The following CSF2RB variants were observed in gnomAD, a reference collection of about 807,000 sequenced individuals.
CSF2RB encodes the protein colony stimulating factor 2 receptor subunit beta.
A neutral mutation model predicts 67.2 loss-of-function variants in CSF2RB; 22 were observed. That is an observed-to-expected ratio of 0.33 (90% CI 0.23 to 0.47). The LOEUF (loss-of-function observed/expected upper bound fraction) is 0.47. Among genes scored for constraint, CSF2RB ranks in the 20% least tolerant of loss-of-function variants. The pLI is 1.00. For missense variants in CSF2RB, 1,113 were observed against 1,174.5 expected, an observed-to-expected ratio of 0.95 and a Z score of 0.76; for synonymous variants, 507 against 482.9, an observed-to-expected ratio of 1.05 and a Z score of -0.65.
Position 36,937,240 on chromosome 22 carries a change from G to T in CSF2RB, c.1569-137G>T. 9.0e-7 allele frequency: 1 copy of T among 1,112,418 alleles called. No homozygotes were observed. The highest frequency in any genetic ancestry group is 1.3e-6 in the Non-Finnish European group (1 of 762,966). 68.9% of individuals were successfully genotyped at this position (1,112,418 alleles called of 1,614,324 possible). ...GCCCCTGCTCCCTCAACCCTGTCCC[G>T]TTCAGGTTCTCTCTGTGAGATCTGG... On this transcript the variant is annotated intron_variant, in intron 13 of 13. Coordinates refer to ENST00000403662, the MANE Select transcript of CSF2RB (RefSeq NM_000395.3). The surrounding 1 kb of genome is among the most constrained non-coding windows in gnomAD (Gnocchi z 4.6).
intron 3 of CSF2RB, among the ~76,000 whole-genome samples, chr22:36,925,435 C>A (rs1375337353): frequency 6.6e-6 from 1 of 152,220 alleles, no homozygotes; most frequent in African/African-American, 2.4e-5. Context: ...ATCTACAACA[C>A]CTCTGCTCAT....
Position 36,937,291 on chromosome 22 carries a change from A to T in CSF2RB, c.1569-86A>T. On this transcript the variant is annotated intron_variant, in intron 13 of 13. Coordinates refer to ENST00000403662, the MANE Select transcript of CSF2RB (RefSeq NM_000395.3). The surrounding 1 kb of genome is among the most constrained non-coding windows in gnomAD (Gnocchi z 4.6). ...GGGACATCAGGGCTTCCAGAGAACC[A>T]TCTCCACCCCACCAAGACCCTTGTG... The T allele has an allele frequency of 6.5e-7, 1 of 1,528,612 alleles. No individual in the cohort carries two copies. The highest frequency in any genetic ancestry group is 2.1e-4 in the Middle Eastern group (1 of 4,740). The allele number at this position is 1,528,612 out of a possible 1,614,324, so 94.7% of individuals were successfully genotyped here.
chr22:36,933,286 T>G (rs995935424), intron 9 of CSF2RB, among the ~76,000 whole-genome samples: 6 of 152,184 alleles, frequency 3.9e-5, no homozygotes, highest in Non-Finnish European at 8.8e-5. Flanking sequence ...CAGAGCTGCT[T>G]CTAATGAGTC....
intron 7 of CSF2RB, 36 bp from the exon 8 acceptor site, chr22:36,930,637 C>A: frequency 1.2e-6 from 2 of 1,611,752 alleles, no homozygotes; most frequent in Non-Finnish European, 1.7e-6. Flanking sequence ...CGTGTGCCCT[C>A]CCTCTCCCTG....
At chr22:36,922,409 T>C in intron 2 of CSF2RB, 126 bp downstream of exon 2, 1 of 850,736 alleles carries the variant, frequency 1.2e-6, no homozygotes, top group Non-Finnish European at 1.9e-6. Flanking sequence ...CCTCTGTCTC[T>C]CCCCCTGGCC....
intron 11 of CSF2RB, 80 bp downstream of exon 11, chr22:36,935,521 C>G (rs1187056782): frequency 1.2e-6 from 2 of 1,602,640 alleles, no homozygotes; most frequent in African/African-American, 2.7e-5. Context: ...TCCCTCCAGG[C>G]CCTGCTCTGC....
intron 3 of CSF2RB, chr22:36,923,909 C>T: frequency 5.0e-6 from 3 of 605,528 alleles, no homozygotes; most frequent in Non-Finnish European, 7.7e-6. Flanking sequence ...CCCAGGCCCC[C>T]CCTCCGTATG....
At chr22:36,934,075 G>C (rs1392484945) in intron 10 of CSF2RB, 81 bp downstream of exon 10, 1 of 1,547,856 alleles carries the variant, frequency 6.5e-7, no homozygotes, top group Non-Finnish European at 8.8e-7. Flanking sequence ...CAATGCAGCA[G>C]CCGTAGCAGG....
chr22:36,935,747 T>C, intron 12 of CSF2RB, 60 bp downstream of exon 12: 3 of 1,542,826 alleles, frequency 1.9e-6, no homozygotes, highest in Non-Finnish European at 2.7e-6. Context: ...CTCTTGTCTC[T>C]GTCCCCACCT....
chr22:36,930,537 C>A (rs1385666561), intron 7 of CSF2RB, 27 bp downstream of exon 7: 8 of 1,612,524 alleles, frequency 5.0e-6, no homozygotes, highest in South Asian at 4.4e-5. Flanking sequence ...TCCATCCCCT[C>A]CCCTCCTCTT....
At chr22:36,921,981 C>A in intron 1 of CSF2RB, 55 bp from the exon 2 acceptor site, 1 of 597,194 alleles carries the variant, frequency 1.7e-6, no homozygotes, top group Admixed American at 2.8e-5. Flanking sequence ...CGGGCGGTGT[C>A]CCTGGGACAC....
rs74711068 is a variant in CSF2RB at position 36,925,382 on chromosome 22, G to T, written c.201-605G>T. Among the ~76,000 whole-genome samples the T allele has an allele frequency of 3.3e-3, 508 of 152,176 alleles. 1 individual carries two copies. Among genetic ancestry groups the T allele is most frequent in the African/African-American group, 0.012 (492 of 41,494 alleles). ...GCCACATTCCCACCTCAGTCTATTC[G>T]CAACCGAGGACCCTCAGGAATCCTT... On this transcript the variant is annotated intron_variant, in intron 3 of 13. Coordinates refer to ENST00000403662, the MANE Select transcript of CSF2RB (RefSeq NM_000395.3).
At chr22:36,925,820 G>T (rs1172092462) in intron 3 of CSF2RB, among the ~76,000 whole-genome samples, 167 bp from the exon 4 acceptor site, 1 of 152,140 alleles carries the variant, frequency 6.6e-6, no homozygotes, top group East Asian at 1.9e-4. Context: ...TTCCATGCGG[G>T]TCCCCTTCTC....
intron 1 of CSF2RB, among the ~76,000 whole-genome samples, chr22:36,918,595 T>C (rs562896631): frequency 1.3e-5 from 2 of 152,334 alleles, no homozygotes; most frequent in African/African-American, 2.4e-5. Context: ...TTCCTTACTG[T>C]CTTTGAAAAA....
intron 4 of CSF2RB, among the ~76,000 whole-genome samples, chr22:36,927,037 T>A (rs1018791538): frequency 5.3e-5 from 8 of 152,302 alleles, no homozygotes; most frequent in African/African-American, 1.9e-4. Context: ...AAGGCCTCTC[T>A]ACTGCTGCTG....
intron 8 of CSF2RB, among the ~76,000 whole-genome samples, chr22:36,932,434 CAAAAAA>C (rs55664200): frequency 1.9e-5 from 2 of 107,426 alleles, no homozygotes; most frequent in African/African-American, 3.7e-5. Context: ...GACTCCGTCT[CAAAAAA>C]AAAAAAAAAA....
intron 10 of CSF2RB, among the ~76,000 whole-genome samples, chr22:36,934,438 G>A (rs1346357655): frequency 6.6e-6 from 1 of 152,194 alleles, no homozygotes; most frequent in Non-Finnish European, 1.5e-5. Flanking sequence ...GAGGAGAGCA[G>A]GTCTCATGAT....
intron 3 of CSF2RB, among the ~76,000 whole-genome samples, chr22:36,924,998 C>A (rs1445854601): frequency 6.6e-6 from 1 of 152,190 alleles, no homozygotes; most frequent in African/African-American, 2.4e-5. Context: ...GCCCTCCAGG[C>A]GTACTGGCCT....
intron 3 of CSF2RB, 115 bp downstream of exon 3, chr22:36,923,482 C>G: frequency 7.0e-7 from 1 of 1,434,786 alleles, no homozygotes; most frequent in Non-Finnish European, 9.5e-7. Context: ...TGGGAGTGGA[C>G]AGAGGACAGA....
Sources: gnomAD v4.1 joint callset for allele counts (sites outside exome capture counted in the v4.1 genomes callset) on GRCh38, gnomAD v4.1.1 for gene constraint, Gnocchi (gnomAD v3.1) non-coding constraint, MANE v1.5 for transcripts, NCBI Gene and HGNC (gene_info 2026-07-23, HGNC 2026-07-21) for gene names.